Variants in SNTG1 observed in about 807,000 individuals in gnomAD.
SNTG1 encodes the protein gamma-1-syntrophin.
A neutral mutation model predicts 74.7 loss-of-function variants in SNTG1; 39 were observed. The observed-to-expected ratio is 0.52, with a 90% confidence interval of 0.40 to 0.68. The LOEUF (loss-of-function observed/expected upper bound fraction) is 0.68. Among genes scored for constraint, SNTG1 ranks in the 30% least tolerant of loss-of-function variants. The pLI is 0.00. For synonymous variants in SNTG1, 254 were observed against 217.1 expected (o/e 1.17, Z -1.49); for missense variants, 685 against 609.5 (o/e 1.12, Z -1.30).
intron 2 of SNTG1, among the ~76,000 whole-genome samples, chr8:50,348,265 T>G (rs1434888251): frequency 1.3e-5 from 2 of 151,986 alleles, no homozygotes; most frequent in Non-Finnish European, 2.9e-5. Context: ...GGTGGTTGAG[T>G]GGTTATCTGG....
At chr8:50,783,562 T>A (rs111762648) in intron 18 of SNTG1, among the ~76,000 whole-genome samples, 2 of 151,830 alleles carry the variant, frequency 1.3e-5, no homozygotes, top group Non-Finnish European at 2.9e-5. Context: ...AGCACAGTAT[T>A]CGGGTGGGAG....
intron 2 of SNTG1, among the ~76,000 whole-genome samples, chr8:50,236,677 C>G (rs1369128807): frequency 6.6e-6 from 1 of 151,986 alleles, no homozygotes; most frequent in Non-Finnish European, 1.5e-5. Flanking sequence ...GTCTCGATCT[C>G]CTGACCTTGT....
intron 2 of SNTG1, among the ~76,000 whole-genome samples, chr8:50,228,968 A>G (rs1467214492): frequency 6.6e-6 from 1 of 151,766 alleles, no homozygotes; most frequent in African/African-American, 2.4e-5. Flanking sequence ...TAGATAAGTT[A>G]AATGAATGAT....
chr8:50,669,207 T>C (rs181141755), intron 15 of SNTG1, among the ~76,000 whole-genome samples: 399 of 144,200 alleles, frequency 2.8e-3, no homozygotes, highest in African/African-American at 9.3e-3. Flanking sequence ...CTGAAGGAAA[T>C]AGAGATTTAA....
chr8:49,961,614 T>C (rs1810689269), intron 1 of SNTG1, among the ~76,000 whole-genome samples: 1 of 152,232 alleles, frequency 6.6e-6, no homozygotes, highest in South Asian at 2.1e-4. Flanking sequence ...AATATTTTAG[T>C]GGAATTCCTT....
At chr8:50,627,006 G>T (rs547436658) in intron 13 of SNTG1, among the ~76,000 whole-genome samples, 3 of 152,122 alleles carry the variant, frequency 2.0e-5, no homozygotes, top group African/African-American at 4.8e-5. Context: ...TATTGATGTT[G>T]ATGTTTTTAT....
chr8:50,384,601 T>C (rs554464319), intron 2 of SNTG1, among the ~76,000 whole-genome samples: 2 of 152,142 alleles, frequency 1.3e-5, no homozygotes, highest in African/African-American at 4.8e-5. Flanking sequence ...AATTGGGCAC[T>C]CAGCAGTGGC....
At chr8:50,425,124 G>A (rs764049567) in intron 4 of SNTG1, among the ~76,000 whole-genome samples, 4 of 152,128 alleles carry the variant, frequency 2.6e-5, no homozygotes, top group Non-Finnish European at 5.9e-5. Context: ...AATGGCACAA[G>A]ATTTGCGTCC....
intron 8 of SNTG1, among the ~76,000 whole-genome samples, chr8:50,493,660 A>G (rs1216024223): frequency 2.0e-5 from 3 of 151,820 alleles, no homozygotes; most frequent in African/African-American, 4.8e-5. Context: ...GATTTAAGAT[A>G]CAGCTTCTAA....
At chr8:49,929,551 G>A (rs949019374) in intron 1 of SNTG1, among the ~76,000 whole-genome samples, 3 of 152,168 alleles carry the variant, frequency 2.0e-5, no homozygotes, top group Non-Finnish European at 4.4e-5. Flanking sequence ...CCCAGTGAGT[G>A]AGGCCGGAAG....
At chr8:50,359,823 C>T (rs1302860668) in intron 2 of SNTG1, among the ~76,000 whole-genome samples, 1 of 152,092 alleles carries the variant, frequency 6.6e-6, no homozygotes, top group African/African-American at 2.4e-5. Flanking sequence ...TTTCTGTTTG[C>T]ATCTTTCAAT....
At position 50,522,610 on chromosome 8, in the gene SNTG1, G is replaced by T. The variant is rs538836308; in HGVS notation, c.467-7567G>T. ...TTTTTTTTTTTTGAGACAGAGTCTCGTTCTGTCACCCAGGCTGGAGTGCAG... is the reference window on the plus strand; with the variant it reads ...TTTTTTTTTTTTGAGACAGAGTCTCTTTCTGTCACCCAGGCTGGAGTGCAG... On this transcript the variant is annotated intron_variant, in intron 9 of 18. Coordinates refer to ENST00000642720, the MANE Select transcript of SNTG1 (RefSeq NM_018967.5). Among the ~76,000 whole-genome samples, 5 of 134,280 alleles carry T rather than the reference G, an allele frequency of 3.7e-5. No individual in the cohort carries two copies. The South Asian group carries it at 1.1e-3, about 31-fold the overall frequency. The allele number at this position is 134,280 out of a possible 152,430, so 88.1% of individuals were successfully genotyped here.
At chr8:50,756,135 T>C (rs1242027814) in intron 18 of SNTG1, among the ~76,000 whole-genome samples, 1 of 151,944 alleles carries the variant, frequency 6.6e-6, no homozygotes, top group Non-Finnish European at 1.5e-5. Flanking sequence ...AACAGTTCTT[T>C]GCATATTTTC....
chr8:49,954,905 A>G (rs916718100), intron 1 of SNTG1, among the ~76,000 whole-genome samples: 1 of 152,198 alleles, frequency 6.6e-6, no homozygotes, highest in African/African-American at 2.4e-5. Context: ...TATATGCTAA[A>G]TGTTTATTTT....
chr8:50,264,008 C>T (rs2087326376), intron 2 of SNTG1, among the ~76,000 whole-genome samples: 1 of 152,062 alleles, frequency 6.6e-6, no homozygotes, highest in South Asian at 2.1e-4. Flanking sequence ...GGATGAAAAG[C>T]AGAAATTAAT....
intron 18 of SNTG1, 33 bp from the exon 19 acceptor site, chr8:50,792,638 A>G: frequency 1.9e-6 from 3 of 1,560,006 alleles, no homozygotes; most frequent in Middle Eastern, 1.7e-4. Context: ...ATTAATTTTT[A>G]TGTTATCTGA....
intron 1 of SNTG1, among the ~76,000 whole-genome samples, chr8:50,038,743 C>T (rs1818370088): frequency 6.6e-6 from 1 of 152,186 alleles, no homozygotes; most frequent in African/African-American, 2.4e-5. Flanking sequence ...ACCTGTGAGT[C>T]AGATCTACTG....
intron 8 of SNTG1, among the ~76,000 whole-genome samples, chr8:50,476,595 A>G (rs2093698456): frequency 6.6e-6 from 1 of 152,158 alleles, no homozygotes; most frequent in Admixed American, 6.6e-5. Context: ...GGATGTCCTT[A>G]TGAGCTCCTG....
intron 15 of SNTG1, among the ~76,000 whole-genome samples, chr8:50,675,995 G>C (rs1300321031): frequency 6.6e-6 from 1 of 152,036 alleles, no homozygotes; most frequent in Admixed American, 6.6e-5. Context: ...TCTGCTGAGA[G>C]ATCCACTGTT....
Sources: gnomAD v4.1 joint callset for allele counts (sites outside exome capture counted in the v4.1 genomes callset) on GRCh38, gnomAD v4.1.1 for gene constraint, MANE v1.5 for transcripts, NCBI Gene and HGNC (gene_info 2026-07-23, HGNC 2026-07-21) for gene names.